The following MYPN variants were observed in gnomAD, a reference collection of about 807,000 sequenced individuals.
MYPN encodes myopalladin, also known as sarcomeric protein myopalladin, 145 kDa (MYOP).
In MYPN, 63 loss-of-function variants were observed where a neutral mutation model predicts 129.4. That is an observed-to-expected ratio of 0.49 (90% CI 0.40 to 0.60). The LOEUF (loss-of-function observed/expected upper bound fraction) is 0.60, where lower values mean the gene tolerates loss of function less well. MYPN is among the 20% of genes least tolerant of loss of function. The pLI, the probability that MYPN is intolerant of heterozygous loss-of-function variation, is 0.00. For synonymous variants in MYPN, 629 were observed against 600.9 expected, an observed-to-expected ratio of 1.05 and a Z score of -0.68; for missense variants, 1,596 against 1,635.4, an observed-to-expected ratio of 0.98 and a Z score of 0.42.
intron 2 of MYPN, among the ~76,000 whole-genome samples, chr10:68,131,392 A>C (rs916468769): frequency 6.6e-6 from 1 of 151,924 alleles, no homozygotes; most frequent in African/African-American, 2.4e-5. Context: ...GTGTCTCAAA[A>C]AAAAAAAAAG....
chr10:68,178,581 TG>T (rs778514185), intron 12 of MYPN, among the ~76,000 whole-genome samples: 5 of 151,774 alleles, frequency 3.3e-5, no homozygotes, highest in Non-Finnish European at 7.4e-5. Flanking sequence ...GGTTTGGCAG[TG>T]GGTGCCTGTA....
In MYPN at chr10:68,181,298, AT is replaced by A. The variant is rs113156741; in HGVS notation, c.2703+5848del. 5.6e-4 allele frequency among the ~76,000 whole-genome samples: 83 copies of A among 148,616 alleles called. 1 individual carries two copies. The highest frequency in any genetic ancestry group is 1.5e-3 in the African/African-American group (59 of 40,644). On this transcript the variant is annotated intron_variant, in intron 12 of 19. Transcript: ENST00000358913. The stretch of plus-strand genomic sequence containing the variant: ...GAAAATACCTTTACATTTAATTTTA[AT>A]TTTTTTTTTTGAGATGGAGTCTTGC...
At chr10:68,197,608 C>A in intron 16 of MYPN, 130 bp downstream of exon 16, 1 of 1,121,712 alleles carries the variant, frequency 8.9e-7, no homozygotes, top group Non-Finnish European at 1.3e-6. Context: ...GGAGACAGAT[C>A]ACTTTTTTTC....
intron 5 of MYPN, 92 bp downstream of exon 5, chr10:68,148,559 C>T: frequency 1.0e-6 from 1 of 982,604 alleles, no homozygotes; most frequent in Non-Finnish European, 1.6e-6. Flanking sequence ...TCGTGTTTTT[C>T]TCAGGTGCAA....
intron 7 of MYPN, among the ~76,000 whole-genome samples, chr10:68,160,202 C>T (rs567940606): frequency 7.9e-5 from 12 of 151,856 alleles, no homozygotes; most frequent in Middle Eastern, 3.4e-3. Context: ...CACTTGAGGT[C>T]GGTAGTTTGA....
chr10:68,133,547 G>A (rs953687631), intron 2 of MYPN, among the ~76,000 whole-genome samples: 2 of 152,092 alleles, frequency 1.3e-5, no homozygotes, highest in Non-Finnish European at 2.9e-5. Context: ...CCAATAAGCA[G>A]GTGGAACTTG....
At chr10:68,139,314 G>T (rs2042537213) in intron 2 of MYPN, among the ~76,000 whole-genome samples, 1 of 152,068 alleles carries the variant, frequency 6.6e-6, no homozygotes, top group Non-Finnish European at 1.5e-5. Flanking sequence ...GCACAAATTG[G>T]CTTCTTCTTT....
chr10:68,150,038 A>G lies in MYPN; in HGVS notation c.1246-2A>G, dbSNP rs1327758535. On this transcript the variant is annotated splice_acceptor_variant, in intron 5 of 19. Coordinates refer to ENST00000358913, the MANE Select transcript of MYPN (RefSeq NM_032578.4). LOFTEE classifies it high-confidence loss of function. ...AATTTACTGTTGCTTCCCTTCTACC[A>G]GTGTCAGAGCCCCACCAATTACTTG... 2.5e-6 allele frequency: 4 copies of G among 1,612,616 alleles called. No individual in the cohort carries two copies. Among genetic ancestry groups the G allele is most frequent in the Non-Finnish European group, 3.4e-6 (4 of 1,178,788 alleles).
At chr10:68,133,842 A>G (rs546467556) in intron 2 of MYPN, among the ~76,000 whole-genome samples, 1 of 151,260 alleles carries the variant, frequency 6.6e-6, no homozygotes, top group Non-Finnish European at 1.5e-5. Flanking sequence ...GATAGCCAGG[A>G]GGACTGAGGA....
At position 68,175,400 on chromosome 10, in the gene MYPN, A is replaced by G. The variant is rs71584493; in HGVS notation, c.2642A>G (p.Asn881Ser). 1 of 1,614,184 alleles carries G rather than the reference A, an allele frequency of 6.2e-7. No homozygotes were observed. The highest frequency in any genetic ancestry group is 8.5e-7 in the Non-Finnish European group (1 of 1,180,008). The stretch of plus-strand genomic sequence containing the variant: ...GATGATAACATTCGTGAAACTAAGA[A>G]CGCAGTGATTCGAGACTTGGGGAAA... Reference protein sequence around the residue: ...VNDDNIRETKNAVIRDLGKKI... With the variant: ...VNDDNIRETKSAVIRDLGKKI... The change falls in exon 12 of 20, where the codon AAC (asparagine) becomes AGC (serine). Residue 881 changes from asparagine to serine, a missense_variant. Physicochemically the swap from Asn to Ser is conservative, Grantham distance 46. Coordinates refer to ENST00000358913, the MANE Select transcript of MYPN (RefSeq NM_032578.4).
intron 10 of MYPN, among the ~76,000 whole-genome samples, chr10:68,171,396 C>G (rs1425788629): frequency 2.0e-5 from 3 of 152,072 alleles, no homozygotes; most frequent in Non-Finnish European, 4.4e-5. Flanking sequence ...GTTGGCAGAC[C>G]CGCTGCATCA....
chr10:68,162,116 C>G (rs553303982), intron 8 of MYPN: 1 of 146,768 alleles, frequency 6.8e-6, no homozygotes, highest in Non-Finnish European at 1.4e-5. Context: ...TGCAGTGAGC[C>G]GAGATCGTGA....
At chr10:68,104,531 C>CA (rs2041997889), upstream of MYPN, among the ~76,000 whole-genome samples, 1 of 152,140 alleles carries the variant, frequency 6.6e-6, no homozygotes, top group Admixed American at 6.6e-5. Context: ...TGACTGCTTC[C>CA]AATGCCCCAC....
intron 2 of MYPN, among the ~76,000 whole-genome samples, chr10:68,138,429 T>C (rs77160525): frequency 1.6e-3 from 225 of 142,214 alleles, no homozygotes; most frequent in African/African-American, 4.8e-3. Flanking sequence ...TCTTTCTTTC[T>C]TTTTTTTTTT....
At chr10:68,156,073 A>G (rs755631211) in intron 6 of MYPN, among the ~76,000 whole-genome samples, 1 of 152,348 alleles carries the variant, frequency 6.6e-6, no homozygotes, top group East Asian at 1.9e-4. Flanking sequence ...GAACTGGCTC[A>G]TATATCTGAG....
In MYPN at chr10:68,195,433, C is replaced by CT; in HGVS notation, c.3076-12dup. 3 of 1,612,342 alleles carry CT rather than the reference C, an allele frequency of 1.9e-6. No individual in the cohort carries two copies. The highest frequency in any genetic ancestry group is 2.5e-6 in the Non-Finnish European group (3 of 1,178,476). ...AGATTGTTCTTGTTTTAATCTTGCT[C>CT]TTTTTCTGTTTGTCAGGGGAGAATC... On this transcript the variant is annotated splice_polypyrimidine_tract_variant and intron_variant, in intron 14 of 19. Coordinates refer to ENST00000358913, the MANE Select transcript of MYPN (RefSeq NM_032578.4).
In MYPN at chr10:68,185,156, G is replaced by GGGAGGGAA. The variant is rs566794613; in HGVS notation, c.2704-3713_2704-3706dup. ...CCCGTCAGAAAGAAGGAGGGAGGGA[G>GGGAGGGAA]GGAGGGAAGGAGGGAAGGAGGGAAG... On this transcript the variant is annotated intron_variant, in intron 12 of 19. Coordinates refer to ENST00000358913, the MANE Select transcript of MYPN (RefSeq NM_032578.4). Among the ~76,000 whole-genome samples the GGGAGGGAA allele has an allele frequency of 1.6e-3, 234 of 147,462 alleles. 2 individuals carry two copies. Among genetic ancestry groups the GGGAGGGAA allele is most frequent in the African/African-American group, 4.5e-3 (174 of 38,784 alleles).
chr10:68,120,039 T>C (rs1182393460), intron 1 of MYPN, among the ~76,000 whole-genome samples: 4 of 152,122 alleles, frequency 2.6e-5, no homozygotes, highest in Admixed American at 2.6e-4. Context: ...AGCCAGAAAA[T>C]ATTTAGAAGA....
chr10:68,091,985 G>A (rs971740176), intron 1 of MYPN, among the ~76,000 whole-genome samples: 2 of 151,990 alleles, frequency 1.3e-5, no homozygotes, highest in Non-Finnish European at 2.9e-5. Context: ...GGGAGGCCAA[G>A]GTGAATGGAT....
Sources: gnomAD v4.1 joint callset for allele counts (sites outside exome capture counted in the v4.1 genomes callset) on GRCh38, gnomAD v4.1.1 for gene constraint, MANE v1.5 for transcripts, NCBI Gene and HGNC (gene_info 2026-07-23, HGNC 2026-07-21) for gene names.